NKTR: variants seen among roughly 807,000 people sequenced by gnomAD.
The protein encoded by NKTR is natural killer cell triggering receptor.
In NKTR, 67 loss-of-function variants were observed where a neutral mutation model predicts 156.3. The observed-to-expected ratio is 0.43, with a 90% CI of 0.35 to 0.53. The LOEUF (loss-of-function observed/expected upper bound fraction) is 0.53. NKTR is among the 20% of genes least tolerant of loss of function. The pLI is 0.01. For missense variants in NKTR, 1,604 were observed against 1,730.9 expected (o/e 0.93, Z 1.30); for synonymous variants, 640 against 596.6 (o/e 1.07, Z -1.06).
rs1055410340 is a variant in NKTR at position 42,629,267 on chromosome 3, G to A, written c.375-1279G>A. On this transcript the variant is annotated intron_variant, in intron 6 of 16. Coordinates refer to ENST00000232978, the MANE Select transcript of NKTR (RefSeq NM_005385.4). ...TTTATTTTTATAATTACATTGGCAT[G>A]AATTTCCACTTTTCAATCTTCTAAG... 1.7e-5 allele frequency: 17 copies of A among 974,028 alleles called. No individual in the cohort carries two copies. The African/African-American group carries it at 2.6e-4, about 15-fold the overall frequency. 60.3% of individuals were successfully genotyped at this position (974,028 alleles called of 1,614,324 possible).
At position 42,638,747 on chromosome 3, in the gene NKTR, C is replaced by T; in HGVS notation, c.3043C>T (p.His1015Tyr). Residue 1015 changes from histidine to tyrosine, a missense_variant, in exon 13 of 17, where the codon CAC (histidine) becomes TAC (tyrosine). Physicochemically the swap from His to Tyr is moderately conservative, Grantham distance 83 (BLOSUM62 2). Coordinates refer to ENST00000232978, the MANE Select transcript of NKTR (RefSeq NM_005385.4). ...GGCTCCAAAACGAAAGCAAGCATTTCACTGGCAGCCTCCACTAGAATTTGG... is the reference window on the plus strand; with the variant it reads ...GGCTCCAAAACGAAAGCAAGCATTTTACTGGCAGCCTCCACTAGAATTTGG... ...HKAPKRKQAF[H>Y]WQPPLEFGEE... The T allele has an allele frequency of 6.2e-7, 1 of 1,614,052 alleles. No individual in the cohort carries two copies. Among genetic ancestry groups the T allele is most frequent in the Middle Eastern group, 1.6e-4 (1 of 6,062 alleles).
Position 42,639,513 on chromosome 3 carries a change from A to C in NKTR, c.3809A>C (p.Asn1270Thr). ...QGLRIEIKSK[N>T]KVRPGSLFDE... ...TTGAGAATAGAAATTAAAAGCAAAA[A>C]TAAAGTTCGGCCTGGGTCTCTCTTT... Residue 1270 changes from asparagine to threonine, a missense_variant, in exon 13 of 17, where the codon AAT (asparagine) becomes ACT (threonine). Coordinates refer to ENST00000232978, the MANE Select transcript of NKTR (RefSeq NM_005385.4). 1 of 1,614,188 alleles carries C rather than the reference A, an allele frequency of 6.2e-7. No homozygotes were observed. The highest frequency in any genetic ancestry group is 8.5e-7 in the Non-Finnish European group (1 of 1,180,034).
chr3:42,643,917 T>C lies in NKTR; in HGVS notation c.4215T>C (p.Asp1405=), dbSNP rs1296879261. ...GTTAAAGCAGGTCCTACACCTACGA[T>C]AGCTACTATAGCAGGAGTCGGAGTC... ...PHSRSRSYTY[D]SYYSRSRSRS... is the part of the protein sequence containing the mutation. The change falls in exon 16 of 17, where the codon GAT becomes GAC. Residue 1405 remains aspartate, a synonymous_variant. Coordinates refer to ENST00000232978, the MANE Select transcript of NKTR (RefSeq NM_005385.4). 1.2e-6 allele frequency: 2 copies of C among 1,613,636 alleles called. No individual in the cohort carries two copies. Among genetic ancestry groups the C allele is most frequent in the Non-Finnish European group, 1.7e-6 (2 of 1,179,766 alleles).
chr3:42,619,727 C>A lies in NKTR; in HGVS notation c.286+19C>A, dbSNP rs562241759. 1 of 1,607,076 alleles carries A rather than the reference C, an allele frequency of 6.2e-7. No individual in the cohort carries two copies. Among genetic ancestry groups the A allele is most frequent in the Non-Finnish European group, 8.5e-7 (1 of 1,176,504 alleles). ...TTTAAAGGTAAGGCTTAATATTTTA[C>A]GGTCTTTTGTTTCAGTTCTGATATT... On this transcript the variant is annotated intron_variant, in intron 5 of 16. Coordinates refer to ENST00000232978, the MANE Select transcript of NKTR (RefSeq NM_005385.4).
chr3:42,631,949 C>G (rs1215996679), intron 8 of NKTR, among the ~76,000 whole-genome samples: 1 of 152,002 alleles, frequency 6.6e-6, no homozygotes, highest in Non-Finnish European at 1.5e-5. Context: ...CTGTCCCTTG[C>G]TCTTAAGTCT....
chr3:42,619,063 T>A lies in NKTR; in HGVS notation c.177T>A (p.Tyr59Ter). 1.2e-6 allele frequency: 2 copies of A among 1,608,882 alleles called. No individual in the cohort carries two copies. The highest frequency in any genetic ancestry group is 1.7e-6 in the Non-Finnish European group (2 of 1,177,852). The change falls in exon 4 of 17, where the codon TAT (tyrosine) becomes TAA (stop). Residue 59 changes from tyrosine to a stop codon, truncating the protein, a stop_gained. Transcript: ENST00000232978. LOFTEE classifies it high-confidence loss of function. Reference protein sequence around the residue: ...LGKTTGKKLCYKGSTFHRVVK... With the variant: ...LGKTTGKKLC ...AAACAACTGGGAAGAAGTTATGTTATAAAGGTTCTACGTTCCATCGTGTGG... is the reference window on the plus strand; with the variant it reads ...AAACAACTGGGAAGAAGTTATGTTAAAAAGGTTCTACGTTCCATCGTGTGG...
chr3:42,637,277 T>A lies in NKTR; in HGVS notation c.1573T>A (p.Ser525Thr). The change falls in exon 13 of 17, where the codon TCA becomes ACA. Residue 525 changes from serine to threonine, a missense_variant. Ser to Thr is a moderately conservative substitution (Grantham distance 58). Around this residue, in one of 6 missense-constraint regions of NKTR, gnomAD observed 1,255 missense variants for 1,243.7 expected, o/e 1.01. Coordinates refer to ENST00000232978, the MANE Select transcript of NKTR (RefSeq NM_005385.4). Reference protein sequence around the residue: ...SRDSYRSKSHSQSYSRGSSRS... With the variant: ...SRDSYRSKSHTQSYSRGSSRS... The stretch of plus-strand genomic sequence containing the variant: ...AGACTCATACAGATCAAAATCTCAC[T>A]CACAGTCTTATTCTAGAGGAAGCTC... The A allele has an allele frequency of 6.2e-7, 1 of 1,613,890 alleles. No individual in the cohort carries two copies. Among genetic ancestry groups the A allele is most frequent in the Non-Finnish European group, 8.5e-7 (1 of 1,179,970 alleles).
At chr3:42,644,758 CT>C (rs2125828705) in intron 16 of NKTR, among the ~76,000 whole-genome samples, 1 of 152,280 alleles carries the variant, frequency 6.6e-6, no homozygotes, top group Non-Finnish European at 1.5e-5. Context: ...ACCATCTCCC[CT>C]TTTGCCACTT....
chr3:42,639,143 C>A lies in NKTR; in HGVS notation c.3439C>A (p.Pro1147Thr), dbSNP rs765706050. 2 of 1,614,068 alleles carry A rather than the reference C, an allele frequency of 1.2e-6. No homozygotes were observed. Among genetic ancestry groups the A allele is most frequent in the Non-Finnish European group, 1.7e-6 (2 of 1,180,004 alleles). ...CCCAGCAAAAGTAGAGGAGACTTCCCCTCTAGGAAATGCACGGCTTGATAC... is the reference window on the plus strand; with the variant it reads ...CCCAGCAAAAGTAGAGGAGACTTCCACTCTAGGAAATGCACGGCTTGATAC... The part of the protein sequence containing the change: ...SSPAKVEETS[P>T]LGNARLDTPD... Residue 1147 changes from proline (P) to threonine (T), a missense_variant, in exon 13 of 17, where the codon CCT (proline) becomes ACT (threonine). This residue lies in a region of NKTR where 1,255 missense variants were observed against 1,243.7 expected (regional missense o/e 1.01). Coordinates refer to ENST00000232978, the MANE Select transcript of NKTR (RefSeq NM_005385.4).
chr3:42,617,545 T>G, intron 2 of NKTR, 25 bp from the exon 3 acceptor site: 1 of 1,324,280 alleles, frequency 7.6e-7, no homozygotes, highest in Non-Finnish European at 1.1e-6. Context: ...TGCTTACTAT[T>G]TTTTTCCTAT....
chr3:42,633,650 G>A lies in NKTR; in HGVS notation c.844G>A (p.Val282Ile), dbSNP rs767654188. 1.2e-6 allele frequency: 2 copies of A among 1,613,968 alleles called. No individual in the cohort carries two copies. The highest frequency in any genetic ancestry group is 1.1e-5 in the South Asian group (1 of 91,082). The change falls in exon 10 of 17, where the codon GTC becomes ATC. Residue 282 changes from valine to isoleucine, a missense_variant. Val to Ile is a conservative substitution (Grantham distance 29). Coordinates refer to ENST00000232978, the MANE Select transcript of NKTR (RefSeq NM_005385.4). Reference sequence around the variant, plus strand: ...CAGTGCTAAAAGGGAAAAACCTGTGGTCCGCCCAGAAGAGATTCCTCCAGT... The same window carrying A: ...CAGTGCTAAAAGGGAAAAACCTGTGATCCGCCCAGAAGAGATTCCTCCAGT... Reference protein sequence around the residue: ...DSSAKREKPVVRPEEIPPVPE... With the variant: ...DSSAKREKPVIRPEEIPPVPE...
chr3:42,619,765 A>T, intron 5 of NKTR, 57 bp downstream of exon 5: 1 of 1,596,674 alleles, frequency 6.3e-7, no homozygotes, highest in Non-Finnish European at 8.5e-7. Flanking sequence ...AGCAAGTTTG[A>T]TCATATACTT....
intron 2 of NKTR, among the ~76,000 whole-genome samples, chr3:42,616,116 A>C (rs1400969912): frequency 6.6e-6 from 1 of 152,186 alleles, no homozygotes; most frequent in Non-Finnish European, 1.5e-5. Context: ...TCCTCCTCAC[A>C]GGAACTGACC....
chr3:42,629,753 A>G (rs946959558), intron 6 of NKTR: 8 of 985,214 alleles, frequency 8.1e-6, no homozygotes, highest in African/African-American at 5.2e-5. Flanking sequence ...TGAAAATGCT[A>G]TGGGAAAACT....
intron 8 of NKTR, among the ~76,000 whole-genome samples, chr3:42,632,192 C>G (rs763169601): frequency 3.3e-5 from 5 of 150,430 alleles, no homozygotes; most frequent in Non-Finnish European, 7.4e-5. Flanking sequence ...GCCTCAGCCT[C>G]TGGAGTAGCT....
In NKTR at chr3:42,639,015, G is replaced by A; in HGVS notation, c.3311G>A (p.Cys1104Tyr). 1 of 1,613,724 alleles carries A rather than the reference G, an allele frequency of 6.2e-7. No individual in the cohort carries two copies. ...TALNTEENVACLQNIQHVEES... is the reference protein window; with the variant it reads ...TALNTEENVAYLQNIQHVEES... ...TTAAATACTGAGGAAAATGTGGCCT[G>A]TTTACAAAACATTCAGCACGTTGAA... The change falls in exon 13 of 17, where the codon TGT becomes TAT. Residue 1104 changes from cysteine (C) to tyrosine (Y), a missense_variant. By Grantham distance (194) the Cys-to-Tyr change is radical. Around this residue, in one of 6 missense-constraint regions of NKTR, gnomAD observed 1,255 missense variants for 1,243.7 expected, o/e 1.01. Transcript: ENST00000232978.
In NKTR at chr3:42,619,058, T is replaced by A; in HGVS notation, c.172T>A (p.Cys58Ser). 6.2e-7 allele frequency: 1 copy of A among 1,607,442 alleles called. No homozygotes were observed. Among genetic ancestry groups the A allele is most frequent in the Non-Finnish European group, 8.5e-7 (1 of 1,177,756 alleles). Residue 58 changes from cysteine (C) to serine (S), a missense_variant, in exon 4 of 17, where the codon TGT becomes AGT. Physicochemically the swap from Cys to Ser is moderately radical, Grantham distance 112. Transcript: ENST00000232978. ...TGGGAAAACAACTGGGAAGAAGTTA[T>A]GTTATAAAGGTTCTACGTTCCATCG... ...GLGKTTGKKLCYKGSTFHRVV... is the reference protein window; with the variant it reads ...GLGKTTGKKLSYKGSTFHRVV...
chr3:42,604,569 T>G (rs1706003654), intron 2 of NKTR, among the ~76,000 whole-genome samples: 1 of 151,814 alleles, frequency 6.6e-6, no homozygotes, highest in Non-Finnish European at 1.5e-5. Context: ...ATATCTTTGC[T>G]GATTTTCTAC....
chr3:42,619,779 A>G, intron 5 of NKTR, 71 bp downstream of exon 5: 1 of 1,585,324 alleles, frequency 6.3e-7, no homozygotes, highest in Non-Finnish European at 8.6e-7. Context: ...TATACTTTTA[A>G]TGAGAAGAGG....
Sources: allele counts gnomAD v4.1 joint callset (sites outside exome capture counted in the v4.1 genomes callset), GRCh38; gene constraint gnomAD v4.1.1; regional missense constraint gnomAD v4.1.1; transcripts MANE v1.5; gene names NCBI Gene and HGNC (gene_info 2026-07-23, HGNC 2026-07-21).